TMEM132D: variants seen among roughly 807,000 people sequenced by gnomAD.
TMEM132D encodes the protein mature OL transmembrane protein.
A neutral mutation model predicts 62.3 loss-of-function variants in TMEM132D; 21 were observed. That is an observed-to-expected ratio of 0.34 (90% CI 0.24 to 0.49). The LOEUF is 0.49. Among genes scored for constraint, TMEM132D ranks in the 20% least tolerant of loss-of-function variants. The probability of loss-of-function intolerance (pLI) is 0.99; values close to 1 mark genes in which losing one functional copy is unlikely to be tolerated. For missense variants in TMEM132D, 1,346 were observed against 1,402.8 expected (o/e 0.96, Z 0.65); for synonymous variants, 621 against 575.6 (o/e 1.08, Z -1.13).
Position 129,779,725 on chromosome 12 carries a change from G to A in TMEM132D, c.80-79027C>T, listed in dbSNP as rs873029. On this transcript the variant is annotated intron_variant, in intron 1 of 8. Transcript: ENST00000422113. This position sits in a 1 kb window ranked among gnomAD's most constrained non-coding sequence, Gnocchi z 4.1. The stretch of plus-strand genomic sequence containing the variant: ...TTTTAGACACAGCTCTTGTTCTGGC[G>A]AGTCTCATTACTTATGGTTTATTCT... Among the ~76,000 whole-genome samples, 132,346 of 152,118 alleles carry A rather than the reference G, an allele frequency of 0.87. 57,647 individuals are homozygous for A. Among genetic ancestry groups the A allele is most frequent in the Non-Finnish European group, 0.9 (60,965 of 68,006 alleles).
chr12:129,538,224 G>A (rs4759965), intron 2 of TMEM132D, among the ~76,000 whole-genome samples: 7 of 152,016 alleles, frequency 4.6e-5, no homozygotes, highest in African/African-American at 1.7e-4. Flanking sequence ...AAAAACTCCC[G>A]AACTTCCATC....
At chr12:129,850,411 C>T (rs930170212) in intron 1 of TMEM132D, among the ~76,000 whole-genome samples, 5 of 152,252 alleles carry the variant, frequency 3.3e-5, no homozygotes, top group Non-Finnish European at 7.4e-5. Flanking sequence ...TCCAAGTTCA[C>T]GGGAAACTTG....
intron 4 of TMEM132D, among the ~76,000 whole-genome samples, chr12:129,321,762 T>C (rs1207502440): frequency 6.6e-6 from 1 of 152,146 alleles, no homozygotes; most frequent in Non-Finnish European, 1.5e-5. Context: ...GGTTTCACCG[T>C]GTTAGCCAGG....
At chr12:129,152,284 C>T (rs1877096527) in intron 5 of TMEM132D, among the ~76,000 whole-genome samples, 1 of 152,210 alleles carries the variant, frequency 6.6e-6, no homozygotes, top group Non-Finnish European at 1.5e-5. Flanking sequence ...GGTGTTGTCA[C>T]AGAGCATTTC....
At chr12:129,388,252 C>G (rs1461838520) in intron 3 of TMEM132D, among the ~76,000 whole-genome samples, 9 of 121,992 alleles carry the variant, frequency 7.4e-5, no homozygotes, top group African/African-American at 2.0e-4. Context: ...AACACTAACA[C>G]CGACACCAAT....
chr12:129,653,543 G>A (rs1369163207), intron 2 of TMEM132D, among the ~76,000 whole-genome samples: 2 of 152,154 alleles, frequency 1.3e-5, no homozygotes, highest in Non-Finnish European at 1.5e-5. Context: ...AGAGAAACCA[G>A]CAGCGACTTC....
At chr12:129,297,025 C>T (rs1485264237) in intron 4 of TMEM132D, among the ~76,000 whole-genome samples, 1 of 152,114 alleles carries the variant, frequency 6.6e-6, no homozygotes, top group Admixed American at 6.5e-5. Flanking sequence ...TCCTCTCTGC[C>T]TCTGGGTAAA....
chr12:129,742,370 GAGAGGGAGCA>G (rs1366320231), intron 1 of TMEM132D, among the ~76,000 whole-genome samples: 1 of 152,112 alleles, frequency 6.6e-6, no homozygotes, highest in African/African-American at 2.4e-5. Context: ...CACATGGTGA[GAGAGGGAGCA>G]AGAGAGAGAA....
intron 1 of TMEM132D, among the ~76,000 whole-genome samples, chr12:129,787,868 G>C (rs764731296): frequency 6.6e-6 from 1 of 152,214 alleles, no homozygotes; most frequent in Non-Finnish European, 1.5e-5. Flanking sequence ...ATCCTGCAGG[G>C]AAGGAGGCTG....
At chr12:129,865,602 G>A (rs1874034768) in intron 1 of TMEM132D, among the ~76,000 whole-genome samples, 1 of 152,180 alleles carries the variant, frequency 6.6e-6, no homozygotes, top group South Asian at 2.1e-4. Context: ...GCAATGGTCT[G>A]ACTTCTGTAT....
intron 1 of TMEM132D, among the ~76,000 whole-genome samples, chr12:129,811,348 TC>T (rs1872174086): frequency 1.3e-5 from 2 of 151,576 alleles, no homozygotes; most frequent in South Asian, 4.2e-4. Flanking sequence ...CCAGCAGACT[TC>T]ATCCTGCTTC....
intron 4 of TMEM132D, among the ~76,000 whole-genome samples, chr12:129,218,241 G>A (rs1879262543): frequency 6.6e-6 from 1 of 152,154 alleles, no homozygotes; most frequent in Non-Finnish European, 1.5e-5. Flanking sequence ...AAAATGTTAG[G>A]TAGTGAGAAT....
chr12:129,207,649 G>C (rs2135565142), intron 5 of TMEM132D, among the ~76,000 whole-genome samples: 1 of 152,316 alleles, frequency 6.6e-6, no homozygotes, highest in East Asian at 1.9e-4. Context: ...GGCAGCCAGA[G>C]GGGCTGTGCC....
intron 4 of TMEM132D, among the ~76,000 whole-genome samples, chr12:129,334,334 T>C (rs897911392): frequency 2.0e-5 from 3 of 147,286 alleles, no homozygotes; most frequent in African/African-American, 8.1e-5. Flanking sequence ...TGTCATTAAT[T>C]TGGAGGAAGA....
At chr12:129,843,607 G>A (rs945202172) in intron 1 of TMEM132D, among the ~76,000 whole-genome samples, 11 of 152,164 alleles carry the variant, frequency 7.2e-5, no homozygotes, top group Non-Finnish European at 4.4e-5. Flanking sequence ...GACCTTGTAC[G>A]AGCGGAAACA....
At chr12:129,405,923 T>A (rs958919977) in intron 3 of TMEM132D, among the ~76,000 whole-genome samples, 6 of 152,192 alleles carry the variant, frequency 3.9e-5, no homozygotes, top group African/African-American at 1.2e-4. Flanking sequence ...GAAAATCTCA[T>A]CAGATTCTCA....
At chr12:129,482,705 C>T (rs1874463475) in intron 3 of TMEM132D, among the ~76,000 whole-genome samples, 1 of 151,646 alleles carries the variant, frequency 6.6e-6, no homozygotes, top group Non-Finnish European at 1.5e-5. Context: ...CAATTTCAAA[C>T]AAATTCTGAG....
intron 2 of TMEM132D, among the ~76,000 whole-genome samples, chr12:129,543,273 A>AG (rs1468433281): frequency 3.2e-5 from 1 of 31,278 alleles, no homozygotes. Flanking sequence ...ATGGATGAGT[A>AG]GGGGGTGAGT....
At chr12:129,201,892 AC>A (rs1470589154) in intron 5 of TMEM132D, among the ~76,000 whole-genome samples, 3 of 152,172 alleles carry the variant, frequency 2.0e-5, no homozygotes, top group Non-Finnish European at 2.9e-5. Flanking sequence ...CAATCATGTG[AC>A]AATTTTTTTT....
Sources: gnomAD v4.1 joint callset for allele counts (sites outside exome capture counted in the v4.1 genomes callset) on GRCh38, gnomAD v4.1.1 for gene constraint, Gnocchi (gnomAD v3.1) non-coding constraint, MANE v1.5 for transcripts, NCBI Gene and HGNC (gene_info 2026-07-23, HGNC 2026-07-21) for gene names.